The following ADAM18 variants were observed in gnomAD, a reference collection of about 807,000 sequenced individuals.
ADAM18 encodes disintegrin and metalloproteinase domain-containing protein 18.
Under a neutral mutation model 94.4 loss-of-function variants are expected in ADAM18, and 117 were observed. The observed-to-expected ratio is 1.24, with a 90% CI of 1.07 to 1.45. The LOEUF is 1.45. ADAM18 is among the 40% of genes most tolerant of loss of function. The pLI, the probability that ADAM18 is intolerant of heterozygous loss-of-function variation, is 0.00. For missense variants in ADAM18, 936 were observed against 880.0 expected (o/e 1.06, Z -0.81); for synonymous variants, 327 against 291.6 (o/e 1.12, Z -1.24).
chr8:39,678,132 A>G (rs1480569065), intron 15 of ADAM18, among the ~76,000 whole-genome samples: 2 of 152,218 alleles, frequency 1.3e-5, no homozygotes, highest in Non-Finnish European at 1.5e-5. Context: ...AAGAGCCACA[A>G]AAATGTGTAA....
intron 12 of ADAM18, among the ~76,000 whole-genome samples, chr8:39,652,390 A>G (rs1422388040): frequency 2.0e-5 from 3 of 152,314 alleles, no homozygotes; most frequent in African/African-American, 7.2e-5. Context: ...AAGGACCTGA[A>G]TAGACATTGC....
intron 15 of ADAM18, among the ~76,000 whole-genome samples, chr8:39,678,576 G>A (rs1563303325): frequency 6.6e-6 from 1 of 152,048 alleles, no homozygotes; most frequent in Non-Finnish European, 1.5e-5. Context: ...AGAGCACCAG[G>A]GGCCAGCAGT....
chr8:39,724,861 C>T (rs1020598037), intron 19 of ADAM18, among the ~76,000 whole-genome samples: 1 of 151,896 alleles, frequency 6.6e-6, no homozygotes, highest in Non-Finnish European at 1.5e-5. Context: ...TTATAGATTT[C>T]CCAGGATTTT....
chr8:39,668,316 A>G, intron 14 of ADAM18, 120 bp downstream of exon 14: 1 of 926,664 alleles, frequency 1.1e-6, no homozygotes, highest in East Asian at 2.7e-5. Context: ...TAAAAATTAA[A>G]TTTTAGTTAA....
At chr8:39,684,472 G>C (rs139862281) in intron 16 of ADAM18, among the ~76,000 whole-genome samples, 12 of 152,170 alleles carry the variant, frequency 7.9e-5, no homozygotes, top group African/African-American at 2.9e-4. Flanking sequence ...ACTGGGCCCC[G>C]AGGGCTCTGG....
At chr8:39,693,398 G>T (rs1336495154) in intron 17 of ADAM18, among the ~76,000 whole-genome samples, 2 of 149,158 alleles carry the variant, frequency 1.3e-5, no homozygotes, top group African/African-American at 4.9e-5. Flanking sequence ...ACATTTTAAT[G>T]TTTTTTTTTC....
At chr8:39,713,050 T>C (rs1022778864) in intron 18 of ADAM18, among the ~76,000 whole-genome samples, 3 of 152,012 alleles carry the variant, frequency 2.0e-5, no homozygotes, top group Non-Finnish European at 1.5e-5. Flanking sequence ...TACTACAAGG[T>C]TACAGTAACC....
intron 2 of ADAM18, among the ~76,000 whole-genome samples, chr8:39,589,683 T>A (rs1015198756): frequency 2.0e-5 from 3 of 151,798 alleles, no homozygotes; most frequent in African/African-American, 7.2e-5. Flanking sequence ...ATATTTTTAT[T>A]AGAAATAATT....
intron 18 of ADAM18, among the ~76,000 whole-genome samples, chr8:39,714,239 T>C (rs1822505109): frequency 6.6e-6 from 1 of 152,026 alleles, no homozygotes; most frequent in Non-Finnish European, 1.5e-5. Flanking sequence ...AAGTGAACAA[T>C]GAGATCACTT....
At chr8:39,648,199 A>C in intron 11 of ADAM18, 145 bp from the exon 12 acceptor site, 1 of 553,344 alleles carries the variant, frequency 1.8e-6, no homozygotes, top group Non-Finnish European at 3.0e-6. Context: ...CAATATTAAA[A>C]TTTAATTATC....
intron 6 of ADAM18, among the ~76,000 whole-genome samples, chr8:39,615,251 C>T (rs1235405674): frequency 6.6e-6 from 1 of 150,870 alleles, no homozygotes; most frequent in Non-Finnish European, 1.5e-5. Flanking sequence ...ATACGGACCA[C>T]ACTTTTTGGA....
At chr8:39,706,650 T>C (rs1822249537) in intron 17 of ADAM18, 140 bp from the exon 18 acceptor site, 1 of 444,728 alleles carries the variant, frequency 2.2e-6, no homozygotes, top group African/African-American at 2.0e-5. Flanking sequence ...CTAACCTATT[T>C]CTCACATTAT....
chr8:39,653,560 A>G (rs1820599054), intron 12 of ADAM18, among the ~76,000 whole-genome samples: 3 of 152,238 alleles, frequency 2.0e-5, no homozygotes, highest in South Asian at 2.1e-4. Flanking sequence ...TTCATGCCAC[A>G]TGACTCTACA....
In ADAM18 at chr8:39,609,574, T is replaced by G; in HGVS notation, c.344+13T>G. The G allele has an allele frequency of 1.3e-6, 2 of 1,578,814 alleles. No homozygotes were observed. On this transcript the variant is annotated intron_variant, in intron 5 of 19. Coordinates refer to ENST00000265707, the MANE Select transcript of ADAM18 (RefSeq NM_014237.3). Reference sequence around the variant, plus strand: ...GTTCTGGTCTCAGGTAATAGCACCTTATAAGAAATCTATAGATGGAGAACT... The same window carrying G: ...GTTCTGGTCTCAGGTAATAGCACCTGATAAGAAATCTATAGATGGAGAACT...
intron 15 of ADAM18, among the ~76,000 whole-genome samples, chr8:39,679,828 C>T (rs1821394339): frequency 6.6e-6 from 1 of 152,290 alleles, no homozygotes; most frequent in East Asian, 1.9e-4. Flanking sequence ...GAAGTCGTGT[C>T]TTCACGCTGA....
intron 12 of ADAM18, among the ~76,000 whole-genome samples, chr8:39,658,747 A>G (rs538216086): frequency 6.6e-6 from 1 of 152,278 alleles, no homozygotes; most frequent in Admixed American, 6.5e-5. Flanking sequence ...TTCTTAGTTT[A>G]CCACTGCTGA....
intron 6 of ADAM18, among the ~76,000 whole-genome samples, chr8:39,612,563 G>C (rs1253024032): frequency 1.3e-5 from 2 of 152,096 alleles, no homozygotes; most frequent in Admixed American, 1.3e-4. Flanking sequence ...AGCTGCAGTG[G>C]AGTAAAGCCA....
chr8:39,586,014 A>G (rs948573555), intron 2 of ADAM18, among the ~76,000 whole-genome samples: 9 of 152,220 alleles, frequency 5.9e-5, no homozygotes, highest in African/African-American at 1.9e-4. Context: ...ATAGGGGTTT[A>G]TATTTCTATG....
At chr8:39,617,722 C>T (rs905342812) in intron 6 of ADAM18, among the ~76,000 whole-genome samples, 1 of 152,046 alleles carries the variant, frequency 6.6e-6, no homozygotes, top group African/African-American at 2.4e-5. Context: ...TTATTCTAAG[C>T]AAAGTAATGC....
Sources: gnomAD v4.1 joint callset for allele counts (sites outside exome capture counted in the v4.1 genomes callset) on GRCh38, gnomAD v4.1.1 for gene constraint, MANE v1.5 for transcripts, NCBI Gene and HGNC (gene_info 2026-07-23, HGNC 2026-07-21) for gene names.